FAM13A: variants seen among roughly 807,000 people sequenced by gnomAD.
FAM13A encodes family with sequence similarity 13 member A, also known as protein FAM13A.
FAM13A carries 76 observed loss-of-function variants against 129.6 expected under a neutral mutation model. The observed-to-expected ratio is 0.59, with a 90% CI of 0.49 to 0.71. The LOEUF is 0.71. FAM13A is among the 30% of genes least tolerant of loss of function. FAM13A has a pLI of 0.00. For missense variants in FAM13A, 1,108 were observed against 1,249.3 expected (o/e 0.89, Z 1.70); for synonymous variants, 443 against 449.9 (o/e 0.98, Z 0.20).
At position 88,788,553 on chromosome 4, in the gene FAM13A, C is replaced by T. The variant is rs1249336749; in HGVS notation, c.1092-621G>A. ...CTGTATTCATGCAAACACCCCAGAA[C>T]ATATTACTGAAATTGGAAGGATAGA... On this transcript the variant is annotated intron_variant, in intron 9 of 23. Coordinates refer to ENST00000264344, the MANE Select transcript of FAM13A (RefSeq NM_014883.4). Among the ~76,000 whole-genome samples, 8 of 152,208 alleles carry T rather than the reference C, an allele frequency of 5.3e-5. No individual in the cohort carries two copies. The East Asian group carries it at 1.5e-3, about 29-fold the overall frequency.
intron 3 of FAM13A, among the ~76,000 whole-genome samples, chr4:88,999,670 C>A (rs1328389285): frequency 6.6e-6 from 1 of 152,082 alleles, no homozygotes; most frequent in Non-Finnish European, 1.5e-5. Flanking sequence ...TGAGTTAAAC[C>A]AAGCCCAGAG....
At chr4:88,948,896 ACT>A (rs1756430198) in intron 4 of FAM13A, among the ~76,000 whole-genome samples, 1 of 152,148 alleles carries the variant, frequency 6.6e-6, no homozygotes, top group Non-Finnish European at 1.5e-5. Flanking sequence ...AGGAAAACTA[ACT>A]CTCTAAAATA....
At chr4:88,941,898 G>A (rs1188692981) in intron 4 of FAM13A, among the ~76,000 whole-genome samples, 2 of 152,160 alleles carry the variant, frequency 1.3e-5, no homozygotes, top group Admixed American at 6.5e-5. Flanking sequence ...GGTAACTGCC[G>A]TCAGTTGCTC....
intron 10 of FAM13A, among the ~76,000 whole-genome samples, chr4:88,781,905 G>A (rs62308738): frequency 0.5 from 75,473 of 150,106 alleles, 21,771 homozygotes; most frequent in Non-Finnish European, 0.66. Context: ...ACGAGTTAAT[G>A]GGTGCAGCAC....
intron 7 of FAM13A, among the ~76,000 whole-genome samples, chr4:88,835,468 A>T (rs1361153190): frequency 6.6e-6 from 1 of 152,134 alleles, no homozygotes; most frequent in Admixed American, 6.5e-5. Context: ...TCCACAGACT[A>T]GGGGGTGGGT....
chr4:88,877,673 T>G (rs1742785816), intron 6 of FAM13A, among the ~76,000 whole-genome samples: 1 of 152,250 alleles, frequency 6.6e-6, no homozygotes, highest in African/African-American at 2.4e-5. Context: ...TGGTTTTTGC[T>G]TTGTTGCAAT....
At chr4:88,975,473 C>A (rs1760771661) in intron 4 of FAM13A, among the ~76,000 whole-genome samples, 1 of 152,168 alleles carries the variant, frequency 6.6e-6, no homozygotes. Flanking sequence ...CTTGTCATCA[C>A]TGAATGATGC....
At chr4:88,767,477 C>T (rs1745903468) in intron 13 of FAM13A, 76 bp downstream of exon 13, 1 of 1,044,114 alleles carries the variant, frequency 9.6e-7, no homozygotes, top group South Asian at 1.9e-5. Context: ...TATTGGCAGA[C>T]TAATATTTCA....
chr4:88,838,613 GC>G (rs1735242917), intron 7 of FAM13A, among the ~76,000 whole-genome samples: 1 of 152,050 alleles, frequency 6.6e-6, no homozygotes, highest in Non-Finnish European at 1.5e-5. Flanking sequence ...TGTAGTCCCA[GC>G]TACTCGGGAG....
At chr4:89,049,517 A>G (rs1193494673) in intron 1 of FAM13A, among the ~76,000 whole-genome samples, 1 of 152,258 alleles carries the variant, frequency 6.6e-6, no homozygotes, top group Non-Finnish European at 1.5e-5. Flanking sequence ...TTTAACCACA[A>G]AAGTAAATTA....
At chr4:88,914,863 C>G (rs1229492948) in intron 5 of FAM13A, among the ~76,000 whole-genome samples, 1 of 152,204 alleles carries the variant, frequency 6.6e-6, no homozygotes, top group Non-Finnish European at 1.5e-5. Context: ...TAATTTCCAA[C>G]CATTAGAGAA....
At chr4:88,838,889 AT>A (rs1317931432) in intron 7 of FAM13A, among the ~76,000 whole-genome samples, 2 of 152,264 alleles carry the variant, frequency 1.3e-5, no homozygotes, top group Admixed American at 6.5e-5. Flanking sequence ...TGCAGATTAA[AT>A]TTCTCTGATT....
At chr4:88,897,370 T>C (rs2704582) in intron 6 of FAM13A, among the ~76,000 whole-genome samples, 112,764 of 152,068 alleles carry the variant, frequency 0.74, 42,114 homozygotes, top group Non-Finnish European at 0.79. Flanking sequence ...GTGTAATAGA[T>C]GTATCATCTT....
intron 7 of FAM13A, among the ~76,000 whole-genome samples, chr4:88,833,517 A>G (rs1734275497): frequency 6.6e-6 from 1 of 152,236 alleles, no homozygotes; most frequent in African/African-American, 2.4e-5. Flanking sequence ...TTAAAGTGTC[A>G]AACTCTGACT....
At chr4:88,857,418 A>T (rs1738710254) in intron 6 of FAM13A, among the ~76,000 whole-genome samples, 1 of 152,132 alleles carries the variant, frequency 6.6e-6, no homozygotes, top group African/African-American at 2.4e-5. Flanking sequence ...ACTTGAGGCC[A>T]GGAGTTCAAG....
intron 4 of FAM13A, among the ~76,000 whole-genome samples, chr4:88,948,848 TA>T (rs1469951662): frequency 6.6e-6 from 1 of 152,122 alleles, no homozygotes; most frequent in Non-Finnish European, 1.5e-5. Flanking sequence ...AGCAATATAC[TA>T]AAAAAGATAC....
At chr4:88,861,370 G>A (rs754941578) in intron 6 of FAM13A, among the ~76,000 whole-genome samples, 46 of 121,504 alleles carry the variant, frequency 3.8e-4, no homozygotes, top group South Asian at 1.9e-3. Context: ...AACAGAGCAA[G>A]ACTCCGTCTC....
At chr4:89,036,559 A>C (rs940008183) in intron 1 of FAM13A, among the ~76,000 whole-genome samples, 2 of 152,230 alleles carry the variant, frequency 1.3e-5, no homozygotes, top group Non-Finnish European at 2.9e-5. Context: ...TCCATTTTCT[A>C]GGGAGGAATT....
intron 14 of FAM13A, among the ~76,000 whole-genome samples, chr4:88,751,775 A>G (rs1742677756): frequency 1.3e-5 from 2 of 152,208 alleles, no homozygotes; most frequent in Admixed American, 6.5e-5. Context: ...TGTCGATGAT[A>G]TAAGGTATTT....
Sources: gnomAD v4.1 joint callset for allele counts (sites outside exome capture counted in the v4.1 genomes callset) on GRCh38, gnomAD v4.1.1 for gene constraint, MANE v1.5 for transcripts, NCBI Gene and HGNC (gene_info 2026-07-23, HGNC 2026-07-21) for gene names.